The following LAMB3 variants were observed in gnomAD, a reference collection of about 807,000 sequenced individuals.
LAMB3 encodes the protein laminin subunit beta 3, also known as laminin subunit beta-3.
Under a neutral mutation model 140.3 loss-of-function variants are expected in LAMB3, and 104 were observed. That is an observed-to-expected ratio of 0.74 (90% CI 0.63 to 0.87). LAMB3 has a LOEUF of 0.87. LAMB3 is among the 40% of genes least tolerant of loss of function. The pLI is 0.00. For synonymous variants in LAMB3, 592 were observed against 602.9 expected, an observed-to-expected ratio of 0.98 and a Z score of 0.26; for missense variants, 1,531 against 1,575.2, an observed-to-expected ratio of 0.97 and a Z score of 0.47.
At chr1:209,648,153 G>C (rs984336413) in intron 3 of LAMB3, among the ~76,000 whole-genome samples, 1 of 152,186 alleles carries the variant, frequency 6.6e-6, no homozygotes, top group Non-Finnish European at 1.5e-5. Flanking sequence ...GAGGGAAAGA[G>C]AAATGAAACA....
chr1:209,622,949 T>A, intron 17 of LAMB3, 33 bp downstream of exon 17: 3 of 1,609,200 alleles, frequency 1.9e-6, no homozygotes, highest in Non-Finnish European at 2.5e-6. Context: ...TGCCTCCTCC[T>A]ACCTGTGCCC....
intron 3 of LAMB3, among the ~76,000 whole-genome samples, chr1:209,643,020 A>G (rs1463860600): frequency 1.3e-5 from 2 of 152,208 alleles, no homozygotes; most frequent in Non-Finnish European, 2.9e-5. Context: ...TCACAGTAAC[A>G]TAGCCGAAGG....
intron 3 of LAMB3, among the ~76,000 whole-genome samples, chr1:209,641,436 T>C (rs567936730): frequency 6.6e-6 from 1 of 152,334 alleles, no homozygotes; most frequent in African/African-American, 2.4e-5. Context: ...AGAGGCAACA[T>C]GACTTTGCTA....
chr1:209,629,729 C>T lies in LAMB3; in HGVS notation c.1132+8G>A, dbSNP rs777237961. The T allele has an allele frequency of 1.4e-5, 23 of 1,613,796 alleles. No individual in the cohort carries two copies. The highest frequency in any genetic ancestry group is 1.6e-4 in the Middle Eastern group (1 of 6,082). On this transcript the variant is annotated splice_region_variant and intron_variant, in intron 10 of 22. Coordinates refer to ENST00000356082, the MANE Select transcript of LAMB3 (RefSeq NM_000228.3). The stretch of plus-strand genomic sequence containing the variant: ...ATGACACTCTGGGACTCCGGAGCCT[C>T]TACTCACAGATGCAGGTCTCCTGAA...
Position 209,632,565 on chromosome 1 carries a change from C to G in LAMB3, c.822+18G>C, listed in dbSNP as rs1666728400. On this transcript the variant is annotated intron_variant, in intron 8 of 22. Coordinates refer to ENST00000356082, the MANE Select transcript of LAMB3 (RefSeq NM_000228.3). ...GGTCCTGCCCCCTTCCTCTCCCCTT[C>G]CCACCCTAGGCTGTTACCTGCACAG... 1 of 1,610,212 alleles carries G rather than the reference C, an allele frequency of 6.2e-7. No homozygotes were observed. Among genetic ancestry groups the G allele is most frequent in the South Asian group, 1.1e-5 (1 of 90,976 alleles).
chr1:209,627,256 G>C, intron 12 of LAMB3, 127 bp downstream of exon 12: 1 of 793,020 alleles, frequency 1.3e-6, no homozygotes, highest in Non-Finnish European at 2.0e-6. Context: ...AAATGAGAAC[G>C]GGGACAGAAG....
chr1:209,617,188 C>A (rs889934194), intron 21 of LAMB3, among the ~76,000 whole-genome samples: 8 of 152,220 alleles, frequency 5.3e-5, no homozygotes, highest in African/African-American at 1.7e-4. Flanking sequence ...AGGAAAGGGA[C>A]TGGACTAGGT....
chr1:209,651,093 G>A lies in LAMB3; in HGVS notation c.-37-112C>T, dbSNP rs116693308. ...TATTTTTCAGAAGTCTTTACCTAGGGTCCTGATCTAGGACACTTGGAGCAG... is the reference window on the plus strand; with the variant it reads ...TATTTTTCAGAAGTCTTTACCTAGGATCCTGATCTAGGACACTTGGAGCAG... On this transcript the variant is annotated intron_variant, in intron 1 of 22. Coordinates refer to ENST00000356082, the MANE Select transcript of LAMB3 (RefSeq NM_000228.3). 297 of 772,328 alleles carry A rather than the reference G, an allele frequency of 3.8e-4. No individual in the cohort carries two copies. The African/African-American group carries it at 4.6e-3, about 12-fold the overall frequency. The allele number at this position is 772,328 out of a possible 1,614,324, so 47.8% of individuals were successfully genotyped here. A position where few individuals can be genotyped will look rare whatever the true frequency, so the allele number is the denominator to read the frequency against.
intron 10 of LAMB3, 77 bp downstream of exon 10, chr1:209,629,660 C>T (rs1666600910): frequency 1.4e-6 from 2 of 1,418,862 alleles, no homozygotes; most frequent in Admixed American, 1.7e-5. Flanking sequence ...TGCCCAGGAA[C>T]ATGTACTCTA....
intron 14 of LAMB3, among the ~76,000 whole-genome samples, chr1:209,624,884 AAG>A (rs1666362687): frequency 1.4e-5 from 1 of 70,472 alleles, no homozygotes; most frequent in Non-Finnish European, 2.9e-5. Context: ...GAGAGAGAGG[AAG>A]GAAGGAAGGA....
Position 209,622,543 on chromosome 1 carries a change from G to A in LAMB3, c.2694C>T (p.Phe898=), listed in dbSNP as rs267598350. 1 of 1,613,864 alleles carries A rather than the reference G, an allele frequency of 6.2e-7. No homozygotes were observed. The highest frequency in any genetic ancestry group is 1.1e-5 in the South Asian group (1 of 91,052). ...GGTGGAGACTGGGCTCACCTGTTAG[G>A]AAGTCCCGGACCTGCTGGATTAGGA... ...TRLLIQQVRD[F]LTDPDTDAAT... The change falls in exon 18 of 23, where the codon TTC becomes TTT. Residue 898 remains phenylalanine, a synonymous_variant. Coordinates refer to ENST00000356082, the MANE Select transcript of LAMB3 (RefSeq NM_000228.3).
Position 209,632,931 on chromosome 1 carries a change from G to A in LAMB3, c.628+139C>T. Reference sequence around the variant, plus strand: ...AGCATCCCACAGACAATATCCCTATGGGGCAAGCAGGGCAAGTATCAAATC... The same window carrying A: ...AGCATCCCACAGACAATATCCCTATAGGGCAAGCAGGGCAAGTATCAAATC... On this transcript the variant is annotated intron_variant, in intron 7 of 22. Transcript: ENST00000356082. The A allele has an allele frequency of 1.3e-5, 13 of 1,019,002 alleles. No individual in the cohort carries two copies. The South Asian group carries it at 1.7e-4, about 13-fold the overall frequency. 63.1% of individuals were successfully genotyped at this position (1,019,002 alleles called of 1,614,324 possible). A position where few individuals can be genotyped will look rare whatever the true frequency, so the allele number is the denominator to read the frequency against.
At position 209,632,752 on chromosome 1, in the gene LAMB3, C is replaced by T. The variant is rs770902074; in HGVS notation, c.653G>A (p.Arg218Lys). The change falls in exon 8 of 23, where the codon AGA becomes AAA. Residue 218 changes from arginine (R) to lysine (K), a missense_variant. By Grantham distance (26) the Arg-to-Lys change is conservative. Transcript: ENST00000356082. ...AGGGGCCAGCCTGGTGAAATTGACT[C>T]TCAAGTTTGTGATCTCCCCCACCTC... Reference protein sequence around the residue: ...IQEVGEITNLRVNFTRLAPVP... With the variant: ...IQEVGEITNLKVNFTRLAPVP... 3.1e-6 allele frequency: 5 copies of T among 1,614,214 alleles called. No individual in the cohort carries two copies. Among genetic ancestry groups the T allele is most frequent in the Admixed American group, 1.7e-5 (1 of 60,030 alleles).
rs769334793 is a variant in LAMB3, at chr1:209,634,623, C to A, written c.388G>T (p.Gly130Cys). ...MMEFQGPMPA[G>C]MLIERSSDFG... ...TCTGAGGAGCGCTCAATCAGCATGC[C>A]GGCGGGCATGGGCCCCTGTGGAGAC... Residue 130 changes from glycine (G) to cysteine (C), a missense_variant, in exon 6 of 23, where the codon GGC (glycine) becomes TGC (cysteine). Physicochemically the swap from Gly to Cys is radical, Grantham distance 159 (BLOSUM62 -3). Transcript: ENST00000356082. The A allele has an allele frequency of 2.7e-5, 43 of 1,613,496 alleles. No individual in the cohort carries two copies. The South Asian group carries it at 4.1e-4, about 15-fold the overall frequency.
intron 12 of LAMB3, 38 bp from the exon 13 acceptor site, chr1:209,627,016 C>G: frequency 7.1e-7 from 1 of 1,412,266 alleles, no homozygotes; most frequent in Non-Finnish European, 9.9e-7. Flanking sequence ...CCCTGCCTCA[C>G]AGCCTCTGCC....
chr1:209,622,417 A>G, intron 18 of LAMB3, 119 bp downstream of exon 18: 1 of 1,200,058 alleles, frequency 8.3e-7, no homozygotes, highest in Non-Finnish European at 1.2e-6. Context: ...GGAGAAGTGG[A>G]GGCCTGGATG....
chr1:209,643,296 C>T (rs2076487322), intron 3 of LAMB3, among the ~76,000 whole-genome samples: 1 of 151,046 alleles, frequency 6.6e-6, no homozygotes, highest in South Asian at 2.1e-4. Context: ...GAGAATCTCT[C>T]ATATGTGATA....
Position 209,632,601 on chromosome 1 carries a change from G to A in LAMB3, c.804C>T (p.Gly268=). ...CTGTTACCTGCACAGCGGTGGAGGGGCCTGCAGAGGCCCCAGGCTTGGGTG... is the reference window on the plus strand; with the variant it reads ...CTGTTACCTGCACAGCGGTGGAGGGACCTGCAGAGGCCCCAGGCTTGGGTG... ...RCAPKPGASA[G]PSTAVQVHDV... Residue 268 remains glycine (G), a synonymous_variant, in exon 8 of 23, where the codon GGC becomes GGT. Coordinates refer to ENST00000356082, the MANE Select transcript of LAMB3 (RefSeq NM_000228.3). The A allele has an allele frequency of 1.2e-6, 2 of 1,614,018 alleles. No homozygotes were observed. The highest frequency in any genetic ancestry group is 1.7e-6 in the Non-Finnish European group (2 of 1,179,890).
At chr1:209,630,130 C>G (rs1023320608) in intron 9 of LAMB3, among the ~76,000 whole-genome samples, 5 of 152,286 alleles carry the variant, frequency 3.3e-5, no homozygotes, top group African/African-American at 1.2e-4. Context: ...AAGAACTCAG[C>G]CTTCCTGATT....
Sources: allele counts gnomAD v4.1 joint callset (sites outside exome capture counted in the v4.1 genomes callset), GRCh38; gene constraint gnomAD v4.1.1; transcripts MANE v1.5; gene names NCBI Gene and HGNC (gene_info 2026-07-23, HGNC 2026-07-21).